Variants in MEGF11 observed in about 807,000 individuals in gnomAD.
The protein encoded by MEGF11 is multiple EGF like domains 11.
MEGF11 carries 126 observed loss-of-function variants against 146.6 expected under a neutral mutation model. The observed-to-expected ratio is 0.86, with a 90% confidence interval of 0.74 to 1.00. The LOEUF (loss-of-function observed/expected upper bound fraction) is 1.00, where lower values mean the gene tolerates loss of function less well. MEGF11 is among the 50% of genes least tolerant of loss of function. The pLI, the probability that MEGF11 is intolerant of heterozygous loss-of-function variation, is 0.00. For missense variants in MEGF11, 1,509 were observed against 1,521.2 expected, an observed-to-expected ratio of 0.99 and a Z score of 0.13; for synonymous variants, 532 against 583.4, an observed-to-expected ratio of 0.91 and a Z score of 1.27.
intron 5 of MEGF11, among the ~76,000 whole-genome samples, chr15:66,022,538 G>C (rs2083183995): frequency 6.6e-6 from 1 of 152,216 alleles, no homozygotes; most frequent in Non-Finnish European, 1.5e-5. Flanking sequence ...AAGCATTTCT[G>C]TTTGGGCCCA....
chr15:66,014,879 C>G (rs2076123626), intron 5 of MEGF11, among the ~76,000 whole-genome samples: 1 of 152,156 alleles, frequency 6.6e-6, no homozygotes, highest in African/African-American at 2.4e-5. Context: ...GTACGCTTCA[C>G]AGTTGCACTT....
chr15:65,974,876 G>A (rs1471239434), intron 7 of MEGF11, among the ~76,000 whole-genome samples: 4 of 151,382 alleles, frequency 2.6e-5, no homozygotes, highest in Admixed American at 2.0e-4. Flanking sequence ...ATGGAGTTTC[G>A]CTCTTGTTGC....
chr15:66,062,686 A>T (rs1383802141), intron 5 of MEGF11, among the ~76,000 whole-genome samples: 3 of 152,226 alleles, frequency 2.0e-5, no homozygotes, highest in Non-Finnish European at 4.4e-5. Context: ...AAATGTGGGT[A>T]TTTTATGCTA....
At chr15:65,967,646 C>T (rs560171249) in intron 8 of MEGF11, among the ~76,000 whole-genome samples, 20 of 152,116 alleles carry the variant, frequency 1.3e-4, no homozygotes, top group Non-Finnish European at 2.1e-4. Context: ...GTGTGGGGCA[C>T]CAGCCTTGGC....
At position 65,982,155 on chromosome 15, in the gene MEGF11, T is replaced by G; in HGVS notation, c.641+87A>C. 2.0e-4 allele frequency: 84 copies of G among 422,298 alleles called. No individual in the cohort carries two copies. The highest frequency in any genetic ancestry group is 2.4e-4 in the Non-Finnish European group (80 of 328,796). 26.2% of individuals were successfully genotyped at this position (422,298 alleles called of 1,614,324 possible). ...CCACTCCAGGCCCCGCCCCAGCCCC[T>G]CCACCTCCTCTACCCTCCCCACCCA... On this transcript the variant is annotated intron_variant, in intron 6 of 25. Coordinates refer to ENST00000395614, the MANE Select transcript of MEGF11 (RefSeq NM_001385028.1). The surrounding 1 kb of genome is among the most constrained non-coding windows in gnomAD (Gnocchi z 5.6).
chr15:66,209,689 T>C (rs1004043939), intron 1 of MEGF11, among the ~76,000 whole-genome samples: 3 of 152,202 alleles, frequency 2.0e-5, no homozygotes, highest in Non-Finnish European at 2.9e-5. Flanking sequence ...ACTCCATTTA[T>C]ATAACATTCT....
chr15:66,206,210 C>T (rs1261816840), intron 1 of MEGF11, among the ~76,000 whole-genome samples: 2 of 151,976 alleles, frequency 1.3e-5, no homozygotes, highest in African/African-American at 4.8e-5. Context: ...GAAAACAAAA[C>T]AACAGAAATT....
At position 65,916,598 on chromosome 15, in the gene MEGF11, C is replaced by G. The variant is rs1353894334; in HGVS notation, c.2215+230G>C. The G allele has an allele frequency of 7.6e-6, 6 of 786,578 alleles. No individual in the cohort carries two copies. In the East Asian group the frequency reaches 1.6e-4, roughly 21 times the overall value. 48.7% of individuals were successfully genotyped at this position (786,578 alleles called of 1,614,324 possible). On this transcript the variant is annotated intron_variant, in intron 17 of 25. Coordinates refer to ENST00000395614, the MANE Select transcript of MEGF11 (RefSeq NM_001385028.1). Reference sequence around the variant, plus strand: ...CTGGTCTTGGTGATTGCTGGAGTACCTTGCAGCCCTGACCTTCCAGGACTT... The same window carrying G: ...CTGGTCTTGGTGATTGCTGGAGTACGTTGCAGCCCTGACCTTCCAGGACTT...
Position 65,913,808 on chromosome 15 carries a change from C to G in MEGF11, c.2639G>C (p.Gly880Ala). ...GGAGACACGGGGAGCCAGGTCTCGG[C>G]CCTTCTCTTTCTGCCGCCGCCGATG... ...AWHRRRQKEK[G>A]RDLAPRVSYT... Residue 880 changes from glycine to alanine, a missense_variant, in exon 20 of 26, where the codon GGC becomes GCC. Gly to Ala is a moderately conservative substitution (Grantham distance 60). Coordinates refer to ENST00000395614, the MANE Select transcript of MEGF11 (RefSeq NM_001385028.1). 1 of 1,613,900 alleles carries G rather than the reference C, an allele frequency of 6.2e-7. No homozygotes were observed. Among genetic ancestry groups the G allele is most frequent in the Non-Finnish European group, 8.5e-7 (1 of 1,179,846 alleles).
At chr15:65,986,493 CA>C (rs955714390) in intron 5 of MEGF11, among the ~76,000 whole-genome samples, 14 of 149,718 alleles carry the variant, frequency 9.4e-5, no homozygotes, top group African/African-American at 2.0e-4. Flanking sequence ...AGTGATTAAA[CA>C]AAAAAAAACA....
chr15:66,025,372 CCT>C (rs2083292757), intron 5 of MEGF11, among the ~76,000 whole-genome samples: 1 of 152,016 alleles, frequency 6.6e-6, no homozygotes, highest in African/African-American at 2.4e-5. Flanking sequence ...ATGCTGGGCC[CCT>C]CAGTCAGCCT....
rs574262176 is a variant in MEGF11, at chr15:65,897,989, A to C, written c.3368T>G (p.Leu1123Arg). ...GGCAGGGCTCTGTCTTACTGGGAGG[A>C]GGTCATAATGACCAGGAATATGGCT... ...RNSHIPGHYDLLPVRQSPANG... is the reference protein window; with the variant it reads ...RNSHIPGHYDRLPVRQSPANG... Residue 1123 changes from leucine (L) to arginine (R), a missense_variant, in exon 26 of 26, where the codon CTC becomes CGC. Coordinates refer to ENST00000395614, the MANE Select transcript of MEGF11 (RefSeq NM_001385028.1). 8.7e-5 allele frequency: 141 copies of C among 1,613,898 alleles called. No homozygotes were observed. Among genetic ancestry groups the C allele is most frequent in the Admixed American group, 1.5e-4 (9 of 60,012 alleles).
intron 4 of MEGF11, among the ~76,000 whole-genome samples, chr15:66,113,886 A>T (rs1567247492): frequency 6.6e-6 from 1 of 151,974 alleles, no homozygotes; most frequent in Non-Finnish European, 1.5e-5. Flanking sequence ...GTCTCAAAAA[A>T]AAAAAAGAAA....
chr15:65,918,608 G>C (rs2141235816), intron 15 of MEGF11, among the ~76,000 whole-genome samples: 1 of 152,368 alleles, frequency 6.6e-6, no homozygotes, highest in East Asian at 1.9e-4. Flanking sequence ...GTCTGTCCCT[G>C]CCTGCCTCTT....
At chr15:65,959,695 G>A (rs550531767) in intron 9 of MEGF11, among the ~76,000 whole-genome samples, 5 of 152,282 alleles carry the variant, frequency 3.3e-5, no homozygotes, top group African/African-American at 1.2e-4. Flanking sequence ...AGTGGAAAAT[G>A]GAAGCAATTT....
chr15:65,978,926 G>A lies in MEGF11; in HGVS notation c.762+1852C>T, dbSNP rs545313836. ...TCAGCTTCTTCATCTGAGAAAGGAA[G>A]GTATTGACAGACCAGTGGGATTCAA... On this transcript the variant is annotated intron_variant, in intron 7 of 25. Coordinates refer to ENST00000395614, the MANE Select transcript of MEGF11 (RefSeq NM_001385028.1). Among the ~76,000 whole-genome samples the A allele has an allele frequency of 3.9e-5, 6 of 152,038 alleles. No homozygotes were observed. The East Asian group carries it at 1.2e-3, about 29-fold the overall frequency.
At chr15:66,243,589 T>A (rs2092251284) in intron 1 of MEGF11, among the ~76,000 whole-genome samples, 1 of 152,214 alleles carries the variant, frequency 6.6e-6, no homozygotes, top group Non-Finnish European at 1.5e-5. Flanking sequence ...TTTGAGTGTA[T>A]TTTAGGGCCT....
chr15:66,000,122 G>T (rs1441638886), intron 5 of MEGF11, among the ~76,000 whole-genome samples: 1 of 152,236 alleles, frequency 6.6e-6, no homozygotes, highest in Non-Finnish European at 1.5e-5. Context: ...TGTCCTTGGT[G>T]AAGGGCAGCT....
At chr15:66,241,621 G>A (rs2092211179) in intron 1 of MEGF11, among the ~76,000 whole-genome samples, 1 of 152,088 alleles carries the variant, frequency 6.6e-6, no homozygotes, top group Non-Finnish European at 1.5e-5. Flanking sequence ...GCGGGGAGGA[G>A]GACACCATAG....
Sources: gnomAD v4.1 joint callset for allele counts (sites outside exome capture counted in the v4.1 genomes callset) on GRCh38, gnomAD v4.1.1 for gene constraint, Gnocchi (gnomAD v3.1) non-coding constraint, MANE v1.5 for transcripts, NCBI Gene and HGNC (gene_info 2026-07-23, HGNC 2026-07-21) for gene names.